Variants in EXOC6B observed in about 807,000 individuals in gnomAD.
The protein encoded by EXOC6B is SEC15 homolog B.
In EXOC6B, 54 loss-of-function variants were observed where a neutral mutation model predicts 113.5. That is an observed-to-expected ratio of 0.48 (90% CI 0.38 to 0.60). The LOEUF (loss-of-function observed/expected upper bound fraction) is 0.60, where lower values mean the gene tolerates loss of function less well. Ranked by LOEUF, EXOC6B falls within the 20% of genes least tolerant of loss-of-function variation. The pLI is 0.00. For missense variants in EXOC6B, 797 were observed against 977.5 expected (o/e 0.82, Z 2.46); for synonymous variants, 357 against 339.0 (o/e 1.05, Z -0.58).
chr2:72,738,112 T>C (rs1211039115), intron 2 of EXOC6B, among the ~76,000 whole-genome samples: 1 of 152,184 alleles, frequency 6.6e-6, no homozygotes, highest in Non-Finnish European at 1.5e-5. Flanking sequence ...TTTCTATGTG[T>C]GCTGTGACAA....
intron 18 of EXOC6B, among the ~76,000 whole-genome samples, chr2:72,409,518 C>T (rs1247282226): frequency 2.0e-5 from 3 of 152,104 alleles, no homozygotes; most frequent in African/African-American, 7.2e-5. Context: ...ACATATACAC[C>T]ATGGAATACT....
At chr2:72,562,154 G>A (rs897612852) in intron 7 of EXOC6B, among the ~76,000 whole-genome samples, 15 of 152,120 alleles carry the variant, frequency 9.9e-5, no homozygotes, top group African/African-American at 2.4e-4. Flanking sequence ...TGCTTAGTGC[G>A]AGATGTGTTT....
chr2:72,203,383 T>C (rs904398556), intron 20 of EXOC6B, among the ~76,000 whole-genome samples: 5 of 152,356 alleles, frequency 3.3e-5, no homozygotes, highest in East Asian at 3.9e-4. Flanking sequence ...TCTGTGCTTC[T>C]ACCTGACACA....
chr2:72,203,425 A>G (rs1249128335), intron 20 of EXOC6B, among the ~76,000 whole-genome samples: 2 of 152,202 alleles, frequency 1.3e-5, no homozygotes, highest in Admixed American at 1.3e-4. Context: ...TGATATACTT[A>G]GCATCGAGTA....
chr2:72,752,705 C>A (rs1233798586), intron 1 of EXOC6B, among the ~76,000 whole-genome samples: 1 of 151,994 alleles, frequency 6.6e-6, no homozygotes, highest in African/African-American at 2.4e-5. Context: ...TGTTTCTTAC[C>A]TATAACCACT....
chr2:72,339,627 T>C (rs535323331), intron 19 of EXOC6B, among the ~76,000 whole-genome samples: 1 of 152,292 alleles, frequency 6.6e-6, no homozygotes, highest in Admixed American at 6.5e-5. Flanking sequence ...GCCCTGCCCC[T>C]GTCCAAGCAC....
intron 5 of EXOC6B, chr2:72,722,142 G>C (rs138045379): frequency 2.8e-4 from 43 of 151,908 alleles, no homozygotes; most frequent in African/African-American, 9.6e-4. Context: ...CAAAAGTAGA[G>C]AGCAAAATGA....
chr2:72,742,193 T>C (rs1297564599), intron 1 of EXOC6B, among the ~76,000 whole-genome samples: 2 of 152,210 alleles, frequency 1.3e-5, no homozygotes, highest in Admixed American at 6.5e-5. Flanking sequence ...GTATCTACAA[T>C]TCAGTCCCTC....
rs1479406149 is a variant in EXOC6B, at chr2:72,539,921, A to G, written c.915+19532T>C. Among the ~76,000 whole-genome samples the G allele has an allele frequency of 2.7e-5, 4 of 147,346 alleles. No individual in the cohort carries two copies. The South Asian group carries it at 9.1e-4, about 33-fold the overall frequency. ...ATTAACTCGTCATTTAGCATTAGGT[A>G]TATCTCCTAATGCTATCCCTCCCCC... On this transcript the variant is annotated intron_variant, in intron 8 of 21. Transcript: ENST00000272427.
chr2:72,671,106 A>G (rs560782128), intron 6 of EXOC6B, among the ~76,000 whole-genome samples: 34 of 152,338 alleles, frequency 2.2e-4, no homozygotes, highest in Non-Finnish European at 4.3e-4. Flanking sequence ...TGGATGGACA[A>G]AGATTTTTTG....
intron 18 of EXOC6B, among the ~76,000 whole-genome samples, chr2:72,448,862 G>A (rs1262965847): frequency 1.3e-5 from 2 of 152,178 alleles, no homozygotes; most frequent in Non-Finnish European, 2.9e-5. Context: ...TTTTGGATGA[G>A]ACACTATTAC....
intron 1 of EXOC6B, among the ~76,000 whole-genome samples, chr2:72,807,731 T>C (rs1685657921): frequency 6.6e-6 from 1 of 151,930 alleles, no homozygotes; most frequent in Admixed American, 6.6e-5. Context: ...ATTTGCGGGA[T>C]CTAAAAGTCA....
chr2:72,696,027 TA>T (rs1200828791), intron 6 of EXOC6B, among the ~76,000 whole-genome samples: 1 of 151,930 alleles, frequency 6.6e-6, no homozygotes, highest in South Asian at 2.1e-4. Flanking sequence ...ATTTTCATCT[TA>T]AAAAAAAGAA....
intron 8 of EXOC6B, among the ~76,000 whole-genome samples, chr2:72,547,585 T>C (rs377464387): frequency 8.5e-5 from 13 of 152,262 alleles, no homozygotes; most frequent in African/African-American, 2.9e-4. Context: ...CTAAGCTACT[T>C]GTTATGGGAT....
At chr2:72,619,513 G>T (rs1316772424) in intron 6 of EXOC6B, among the ~76,000 whole-genome samples, 2 of 152,100 alleles carry the variant, frequency 1.3e-5, no homozygotes, top group East Asian at 3.9e-4. Context: ...GAATGAGGAG[G>T]AGGGAGAACA....
chr2:72,484,637 T>A (rs1292756816), intron 16 of EXOC6B, among the ~76,000 whole-genome samples: 1 of 151,992 alleles, frequency 6.6e-6, no homozygotes, highest in Non-Finnish European at 1.5e-5. Context: ...TATGTGTTGT[T>A]CCCTTCCCTG....
intron 8 of EXOC6B, among the ~76,000 whole-genome samples, chr2:72,558,265 G>A (rs995393419): frequency 3.3e-5 from 5 of 152,054 alleles, no homozygotes; most frequent in African/African-American, 7.2e-5. Flanking sequence ...TGTAGATTGA[G>A]AGAGAGGGAG....
intron 6 of EXOC6B, among the ~76,000 whole-genome samples, chr2:72,667,030 T>C (rs1675448121): frequency 6.6e-6 from 1 of 151,840 alleles, no homozygotes; most frequent in African/African-American, 2.4e-5. Flanking sequence ...AGCCAGCTAA[T>C]TTTTTTGTAT....
chr2:72,251,675 T>A (rs1559060621), intron 20 of EXOC6B, among the ~76,000 whole-genome samples: 2 of 152,198 alleles, frequency 1.3e-5, no homozygotes, highest in Admixed American at 6.5e-5. Context: ...CATATTGTAA[T>A]TTTTCCTACA....
Sources: allele counts gnomAD v4.1 joint callset (sites outside exome capture counted in the v4.1 genomes callset), GRCh38; gene constraint gnomAD v4.1.1; transcripts MANE v1.5; gene names NCBI Gene and HGNC (gene_info 2026-07-23, HGNC 2026-07-21).